Variants in ACSL1 observed in about 807,000 individuals in gnomAD.
The protein encoded by ACSL1 is acyl-CoA synthetase long chain family member 1, also known as long-chain-fatty-acid--CoA ligase 1.
A neutral mutation model predicts 98.4 loss-of-function variants in ACSL1; 41 were observed. The ratio of observed to expected loss-of-function variants is 0.42; its 90% CI spans 0.32 to 0.54. The LOEUF is 0.54. Ranked by LOEUF, ACSL1 falls within the 20% of genes least tolerant of loss-of-function variation. ACSL1 has a pLI of 0.13. For missense variants in ACSL1, 734 were observed against 883.1 expected, an observed-to-expected ratio of 0.83 and a Z score of 2.14; for synonymous variants, 316 against 322.7, an observed-to-expected ratio of 0.98 and a Z score of 0.22.
At chr4:184,787,095 A>T (rs1385760363) in intron 3 of ACSL1, among the ~76,000 whole-genome samples, 1 of 152,250 alleles carries the variant, frequency 6.6e-6, no homozygotes, top group African/African-American at 2.4e-5. Flanking sequence ...TGTAGCTAGC[A>T]GTGGCCCAAA....
chr4:184,811,132 A>G (rs573189893), intron 1 of ACSL1, among the ~76,000 whole-genome samples: 32 of 151,972 alleles, frequency 2.1e-4, no homozygotes, highest in Non-Finnish European at 4.3e-4. Context: ...TTTTTGAGAC[A>G]GAGTCTCACT....
At chr4:184,782,199 T>C (rs1766395065) in intron 4 of ACSL1, among the ~76,000 whole-genome samples, 1 of 151,230 alleles carries the variant, frequency 6.6e-6, no homozygotes, top group African/African-American at 2.4e-5. Flanking sequence ...TTGGATGCTA[T>C]ACAGCTGGTA....
chr4:184,795,309 T>A (rs1769162923), intron 2 of ACSL1, among the ~76,000 whole-genome samples: 1 of 152,224 alleles, frequency 6.6e-6, no homozygotes, highest in South Asian at 2.1e-4. Context: ...TTTTTAAACA[T>A]AAGTAAATAT....
chr4:184,757,560 T>C lies in ACSL1; in HGVS notation c.1956+75A>G. 1 of 1,391,392 alleles carries C rather than the reference T, an allele frequency of 7.2e-7. No individual in the cohort carries two copies. The highest frequency in any genetic ancestry group is 1.0e-6 in the Non-Finnish European group (1 of 1,000,194). 86.2% of individuals were successfully genotyped at this position (1,391,392 alleles called of 1,614,324 possible). On this transcript the variant is annotated intron_variant, in intron 20 of 20. Transcript: ENST00000281455. This position sits in a 1 kb window ranked among gnomAD's most constrained non-coding sequence, Gnocchi z 4.5. ...GTCTTTAGGTCACCCCATATGTTTATATAATCTACCTGTAAAAAAATCTTA... is the reference window on the plus strand; with the variant it reads ...GTCTTTAGGTCACCCCATATGTTTACATAATCTACCTGTAAAAAAATCTTA...
chr4:184,812,031 G>A (rs899934011), intron 1 of ACSL1: 49 of 341,470 alleles, frequency 1.4e-4, no homozygotes, highest in Non-Finnish European at 1.9e-4. Flanking sequence ...AGGAGGCGGC[G>A]GTTCCACAAC....
At position 184,773,008 on chromosome 4, in the gene ACSL1, C is replaced by T. The variant is rs951299469; in HGVS notation, c.915+73G>A. 4 of 1,442,024 alleles carry T rather than the reference C, an allele frequency of 2.8e-6. No homozygotes were observed. The Admixed American group carries it at 6.9e-5, about 25-fold the overall frequency. The allele number at this position is 1,442,024 out of a possible 1,614,324, so 89.3% of individuals were successfully genotyped here. On this transcript the variant is annotated intron_variant, in intron 10 of 20. Coordinates refer to ENST00000281455, the MANE Select transcript of ACSL1 (RefSeq NM_001995.5). This position sits in a 1 kb window ranked among gnomAD's most constrained non-coding sequence, Gnocchi z 4.3. ...CACATGGACCTAACACACTGGTGCCCACCTTCAGCACTTTCATTCTCAAGG... is the reference window on the plus strand; with the variant it reads ...CACATGGACCTAACACACTGGTGCCTACCTTCAGCACTTTCATTCTCAAGG...
intron 2 of ACSL1, among the ~76,000 whole-genome samples, chr4:184,794,276 G>T (rs1768940949): frequency 1.3e-5 from 2 of 152,176 alleles, no homozygotes; most frequent in African/African-American, 4.8e-5. Context: ...ATATCTAGCA[G>T]ACTACATCTT....
At chr4:184,818,919 C>CGG (rs1772839330) in intron 1 of ACSL1, among the ~76,000 whole-genome samples, 1 of 152,028 alleles carries the variant, frequency 6.6e-6, no homozygotes, top group South Asian at 2.1e-4. Context: ...ATATGAAGGG[C>CGG]GGGGGCACTT....
intron 3 of ACSL1, among the ~76,000 whole-genome samples, chr4:184,785,600 C>CAGGGGGGG (rs1392500206): frequency 5.2e-5 from 1 of 19,146 alleles, no homozygotes; most frequent in Non-Finnish European, 2.1e-4. Flanking sequence ...TCCTCCTGGG[C>CAGGGGGGG]GGGGGCGGGG....
At chr4:184,789,309 A>T (rs1015470411) in intron 2 of ACSL1, among the ~76,000 whole-genome samples, 2 of 152,242 alleles carry the variant, frequency 1.3e-5, no homozygotes, top group Non-Finnish European at 2.9e-5. Flanking sequence ...ACAAACTGCC[A>T]CCACTACACA....
intron 2 of ACSL1, among the ~76,000 whole-genome samples, chr4:184,789,470 C>A (rs866266087): frequency 6.6e-6 from 1 of 152,228 alleles, no homozygotes; most frequent in Non-Finnish European, 1.5e-5. Context: ...CCTCACCAAG[C>A]GCAATATCAT....
At chr4:184,805,582 AG>A in intron 1 of ACSL1, 1 of 930,800 alleles carries the variant, frequency 1.1e-6, no homozygotes, top group Non-Finnish European at 1.3e-6. Flanking sequence ...GACACAGAAG[AG>A]GGCAATGAGC....
At chr4:184,789,483 G>C (rs1185039813) in intron 2 of ACSL1, among the ~76,000 whole-genome samples, 1 of 152,204 alleles carries the variant, frequency 6.6e-6, no homozygotes, top group Non-Finnish European at 1.5e-5. Flanking sequence ...AATATCATCT[G>C]TTAGAAACTT....
In ACSL1 at chr4:184,756,915, TTACCA is replaced by T. The variant is rs755429748; in HGVS notation, c.*205_*209del. 5.3e-5 allele frequency: 27 copies of T among 513,280 alleles called. No homozygotes were observed. Among genetic ancestry groups the T allele is most frequent in the Middle Eastern group, 5.7e-4 (1 of 1,758 alleles). 31.8% of individuals were successfully genotyped at this position (513,280 alleles called of 1,614,324 possible). ...TAAGGCTCATTTTGGAAAGTGTGTA[TTACCA>T]TAAACATGGTCTGCAACATGAGGTG... On this transcript the variant is annotated 3_prime_UTR_variant, in exon 21 of 21. Coordinates refer to ENST00000281455, the MANE Select transcript of ACSL1 (RefSeq NM_001995.5).
chr4:184,766,034 G>A lies in ACSL1; in HGVS notation c.1264-48C>T. The A allele has an allele frequency of 6.3e-7, 1 of 1,588,332 alleles. No homozygotes were observed. Among genetic ancestry groups the A allele is most frequent in the South Asian group, 1.1e-5 (1 of 89,642 alleles). On this transcript the variant is annotated intron_variant, in intron 13 of 20. Transcript: ENST00000281455. The surrounding 1 kb of genome is among the most constrained non-coding windows in gnomAD (Gnocchi z 4.8). ...GAAGGTGAGGGTTACACACCTGGAA[G>A]TCGGCGGCCTCTCCGCCAAGGGGGC...
chr4:184,815,275 G>T (rs1247746901), intron 1 of ACSL1, among the ~76,000 whole-genome samples: 1 of 152,190 alleles, frequency 6.6e-6, no homozygotes, highest in African/African-American at 2.4e-5. Flanking sequence ...TGAGCAAAGA[G>T]GCAGGGAGGA....
At chr4:184,819,960 G>A (rs937390727) in intron 1 of ACSL1, among the ~76,000 whole-genome samples, 1 of 152,204 alleles carries the variant, frequency 6.6e-6, no homozygotes, top group African/African-American at 2.4e-5. Context: ...GAGAGGGTCA[G>A]AATAAGCAGA....
chr4:184,817,967 C>T (rs1055026747), intron 1 of ACSL1, among the ~76,000 whole-genome samples: 13 of 152,176 alleles, frequency 8.5e-5, no homozygotes, highest in Non-Finnish European at 1.0e-4. Flanking sequence ...TTGGCATCGG[C>T]AGAGTTTGCC....
chr4:184,825,215 G>A lies in ACSL1; in HGVS notation c.-33+701C>T. On this transcript the variant is annotated intron_variant, in intron 1 of 20. Transcript: ENST00000281455. The surrounding 1 kb of genome is among the most constrained non-coding windows in gnomAD (Gnocchi z 4.7). ...GACTCGAATCCACGTGTCCATTCAA[G>A]TCATCTACCGCCACTCTCCGTCTAC... 2 of 985,406 alleles carry A rather than the reference G, an allele frequency of 2.0e-6. No individual in the cohort carries two copies. The highest frequency in any genetic ancestry group is 2.4e-6 in the Non-Finnish European group (2 of 829,920). The allele number at this position is 985,406 out of a possible 1,614,324, so 61.0% of individuals were successfully genotyped here. A position where few individuals can be genotyped will look rare whatever the true frequency, so the allele number is the denominator to read the frequency against.
Sources: allele counts gnomAD v4.1 joint callset (sites outside exome capture counted in the v4.1 genomes callset), GRCh38; gene constraint gnomAD v4.1.1; non-coding constraint Gnocchi (gnomAD v3.1); transcripts MANE v1.5; gene names NCBI Gene and HGNC (gene_info 2026-07-23, HGNC 2026-07-21).